SAV1: variants seen among roughly 807,000 people sequenced by gnomAD.
SAV1 encodes the protein salvador family WW domain containing protein 1.
In SAV1, 23 loss-of-function variants were observed where a neutral mutation model predicts 47.3. The observed-to-expected ratio is 0.49, with a 90% CI of 0.35 to 0.69. The LOEUF is 0.69. Among genes scored for constraint, SAV1 ranks in the 30% least tolerant of loss-of-function variants. The probability of loss-of-function intolerance (pLI) is 0.01; values close to 1 mark genes in which losing one functional copy is unlikely to be tolerated. For synonymous variants in SAV1, 155 were observed against 159.2 expected (o/e 0.97, Z 0.20); for missense variants, 448 against 457.4 (o/e 0.98, Z 0.19).
In SAV1 at chr14:50,663,817, G is replaced by T. The variant is rs576808340; in HGVS notation, c.535+1362C>A. On this transcript the variant is annotated intron_variant, in intron 2 of 4. Coordinates refer to ENST00000324679, the MANE Select transcript of SAV1 (RefSeq NM_021818.4). ...AAAATCACTTGTCTTTCCGAAATGT[G>T]CAAGAGCTTCCACTTGACTCAAATC... 1.7e-4 allele frequency among the ~76,000 whole-genome samples: 26 copies of T among 152,294 alleles called. 1 individual carries two copies. Among genetic ancestry groups the T allele is most frequent in the African/African-American group, 6.3e-4 (26 of 41,554 alleles).
At chr14:50,665,039 G>C in intron 2 of SAV1, 140 bp downstream of exon 2, 2 of 1,168,296 alleles carry the variant, frequency 1.7e-6, no homozygotes, top group Non-Finnish European at 2.3e-6. Context: ...TTGCACACAG[G>C]CTTAAGCAGG....
chr14:50,656,632 C>T (rs963089072), intron 2 of SAV1, among the ~76,000 whole-genome samples: 37 of 151,914 alleles, frequency 2.4e-4, no homozygotes, highest in Non-Finnish European at 3.7e-4. Context: ...TTAGTAGAGA[C>T]GGGGTTTCAC....
At chr14:50,643,212 T>C (rs574301827) in intron 3 of SAV1, among the ~76,000 whole-genome samples, 2 of 152,326 alleles carry the variant, frequency 1.3e-5, no homozygotes, top group South Asian at 4.1e-4. Context: ...TAAAAAACTA[T>C]TAAAATTCTG....
At chr14:50,652,267 T>C (rs577684753) in intron 2 of SAV1, among the ~76,000 whole-genome samples, 2 of 152,262 alleles carry the variant, frequency 1.3e-5, no homozygotes, top group Non-Finnish European at 2.9e-5. Context: ...AAGCTAAAAG[T>C]AAAAACTTGG....
intron 2 of SAV1, among the ~76,000 whole-genome samples, chr14:50,661,469 T>C (rs941895670): frequency 6.6e-6 from 1 of 152,252 alleles, no homozygotes; most frequent in Non-Finnish European, 1.5e-5. Context: ...TATGTCTATT[T>C]GTTTTTGTTG....
At chr14:50,665,842 C>A (rs566999747) in intron 1 of SAV1, among the ~76,000 whole-genome samples, 49 of 152,126 alleles carry the variant, frequency 3.2e-4, no homozygotes, top group Non-Finnish European at 5.9e-4. Flanking sequence ...ATGGACTATG[C>A]GTAAAAGCTC....
At position 50,665,361 on chromosome 14, in the gene SAV1, G is replaced by T; in HGVS notation, c.353C>A (p.Thr118Lys). 1 of 1,612,166 alleles carries T rather than the reference G, an allele frequency of 6.2e-7. No homozygotes were observed. ...ATTTTCAACAGCAAAACTAACTTCC[G>T]TTACAAATGACTGAGAAGAACCATA... ...REYGSSQSFVTEVSFAVENGD... is the reference protein window; with the variant it reads ...REYGSSQSFVKEVSFAVENGD... Residue 118 changes from threonine to lysine, a missense_variant, in exon 2 of 5, where the codon ACG becomes AAG. By Grantham distance (78) the Thr-to-Lys change is moderately conservative. Transcript: ENST00000324679.
rs2934693 is a variant in SAV1 at position 50,634,923 on chromosome 14, G to A, written c.*260C>T. 266,559 of 351,492 alleles carry A rather than the reference G, an allele frequency of 0.76. 102,481 individuals carry two copies. The highest frequency in any genetic ancestry group is 0.94 in the African/African-American group (44,306 of 46,968). 21.8% of individuals were successfully genotyped at this position (351,492 alleles called of 1,614,324 possible). On this transcript the variant is annotated 3_prime_UTR_variant, in exon 5 of 5. Transcript: ENST00000324679. ...CTGTTCATAATGACATTTCCGCTGC[G>A]TTTTTTTCCATCAAGAATACCAAAA...
intron 1 of SAV1, 40 bp from the exon 2 acceptor site, chr14:50,665,659 A>G: frequency 2.0e-6 from 3 of 1,496,658 alleles, no homozygotes; most frequent in Non-Finnish European, 2.7e-6. Context: ...TTTCATCATT[A>G]AGTAACAAAA....
chr14:50,637,533 T>C (rs1197863877), intron 4 of SAV1, among the ~76,000 whole-genome samples: 12 of 152,142 alleles, frequency 7.9e-5, no homozygotes, highest in Non-Finnish European at 1.0e-4. Context: ...TCTGTGTACT[T>C]TCTAGCAAGG....
chr14:50,655,201 T>A (rs895317172), intron 2 of SAV1, among the ~76,000 whole-genome samples: 1 of 152,160 alleles, frequency 6.6e-6, no homozygotes, highest in Non-Finnish European at 1.5e-5. Context: ...TATCACATCG[T>A]AGAAACACAA....
chr14:50,644,740 G>A lies in SAV1; in HGVS notation c.806+4C>T, dbSNP rs377705023. 12 of 1,612,144 alleles carry A rather than the reference G, an allele frequency of 7.4e-6. No individual in the cohort carries two copies. The African/African-American group carries it at 1.6e-4, about 22-fold the overall frequency. ...AAAAGTTGAAAATAAAGTTGATACT[G>A]TACCTAGGAGCACAGGGATGCCTGT... On this transcript the variant is annotated splice_donor_region_variant and intron_variant, in intron 3 of 4. Transcript: ENST00000324679.
At position 50,655,528 on chromosome 14, in the gene SAV1, C is replaced by T. The variant is rs777150859; in HGVS notation, c.535+9651G>A. The stretch of plus-strand genomic sequence containing the variant: ...GCAACCTCCACCTCTCAGGTTCAAG[C>T]GATTCTCCTGCCTCAGCCTCCCGAG... On this transcript the variant is annotated intron_variant, in intron 2 of 4. Coordinates refer to ENST00000324679, the MANE Select transcript of SAV1 (RefSeq NM_021818.4). 5.3e-5 allele frequency among the ~76,000 whole-genome samples: 8 copies of T among 151,512 alleles called. No homozygotes were observed. The East Asian group carries it at 7.8e-4, about 15-fold the overall frequency.
At chr14:50,642,795 AT>A (rs1415273305) in intron 3 of SAV1, among the ~76,000 whole-genome samples, 1 of 152,238 alleles carries the variant, frequency 6.6e-6, no homozygotes, top group Non-Finnish European at 1.5e-5. Context: ...ATGGAACTGA[AT>A]TCTATCTTCA....
intron 1 of SAV1, among the ~76,000 whole-genome samples, chr14:50,667,099 A>G (rs538088204): frequency 6.6e-6 from 1 of 152,262 alleles, no homozygotes; most frequent in South Asian, 2.1e-4. Flanking sequence ...TCCTGAACAC[A>G]CAAGAATTAA....
chr14:50,654,534 C>A (rs147931158), intron 2 of SAV1, among the ~76,000 whole-genome samples: 1 of 152,328 alleles, frequency 6.6e-6, no homozygotes, highest in Non-Finnish European at 1.5e-5. Context: ...TCACTGATCA[C>A]AGATCACCAT....
chr14:50,649,678 T>C (rs572848018), intron 2 of SAV1, among the ~76,000 whole-genome samples: 1 of 152,236 alleles, frequency 6.6e-6, no homozygotes, highest in Admixed American at 6.5e-5. Context: ...AGTATGTGGT[T>C]CATACTATTA....
chr14:50,665,098 A>AAATACT, intron 2 of SAV1, 81 bp downstream of exon 2: 1 of 1,465,646 alleles, frequency 6.8e-7, no homozygotes. Flanking sequence ...TTCGTGTCCC[A>AAATACT]AGAAAATCTA....
Position 50,634,162 on chromosome 14 carries a change from G to GT in SAV1, c.*1020dup, listed in dbSNP as rs1332656088. On this transcript the variant is annotated 3_prime_UTR_variant, in exon 5 of 5. Transcript: ENST00000324679. ...CCTCGTCAGAGCCATGCTAAATGCA[G>GT]TAACAGCACTGGCTGAAAATAAGGA... 4 of 455,162 alleles carry GT rather than the reference G, an allele frequency of 8.8e-6. No individual in the cohort carries two copies. The highest frequency in any genetic ancestry group is 4.7e-5 in the South Asian group (3 of 64,442). 28.2% of individuals were successfully genotyped at this position (455,162 alleles called of 1,614,324 possible). A position where few individuals can be genotyped will look rare whatever the true frequency, so the allele number is the denominator to read the frequency against.
Sources: allele counts gnomAD v4.1 joint callset (sites outside exome capture counted in the v4.1 genomes callset), GRCh38; gene constraint gnomAD v4.1.1; transcripts MANE v1.5; gene names NCBI Gene and HGNC (gene_info 2026-07-23, HGNC 2026-07-21).